Variants in TRAPPC10 observed in about 807,000 individuals in gnomAD.
The protein encoded by TRAPPC10 is TRAPP 130 kDa subunit.
Under a neutral mutation model 125.5 loss-of-function variants are expected in TRAPPC10, and 23 were observed. The observed-to-expected ratio is 0.18, with a 90% CI of 0.13 to 0.26. The LOEUF (loss-of-function observed/expected upper bound fraction) is 0.26. Among genes scored for constraint, TRAPPC10 ranks in the 10% least tolerant of loss-of-function variants. The probability of loss-of-function intolerance (pLI) is 1.00; values close to 1 mark genes in which losing one functional copy is unlikely to be tolerated. For synonymous variants in TRAPPC10, 509 were observed against 518.0 expected (o/e 0.98, Z 0.24); for missense variants, 1,123 against 1,308.4 (o/e 0.86, Z 2.19).
At chr21:44,050,658 G>A (rs952831145) in intron 3 of TRAPPC10, among the ~76,000 whole-genome samples, 1 of 152,194 alleles carries the variant, frequency 6.6e-6, no homozygotes, top group African/African-American at 2.4e-5. Flanking sequence ...AAGAACTGCC[G>A]TGCTGTGGAA....
intron 3 of TRAPPC10, among the ~76,000 whole-genome samples, chr21:44,047,672 C>T (rs2034952492): frequency 6.6e-6 from 1 of 152,042 alleles, no homozygotes; most frequent in African/African-American, 2.4e-5. Flanking sequence ...ATTGCTGCTG[C>T]TCTGTCTTCG....
At chr21:44,016,832 G>T (rs944759739) in intron 1 of TRAPPC10, among the ~76,000 whole-genome samples, 13 of 152,032 alleles carry the variant, frequency 8.6e-5, no homozygotes, top group African/African-American at 1.2e-4. Context: ...CTAATTTTTT[G>T]TATTTTTAGT....
chr21:44,045,953 AT>A (rs972296659), intron 3 of TRAPPC10, among the ~76,000 whole-genome samples: 22 of 146,998 alleles, frequency 1.5e-4, no homozygotes, highest in East Asian at 1.4e-3. Context: ...TTGGGGGTTT[AT>A]TTTTTTTTTC....
rs918799773 is a variant in TRAPPC10, at chr21:44,036,202, CAG to C, written c.150-1584_150-1583del. 4.8e-4 allele frequency among the ~76,000 whole-genome samples: 73 copies of C among 152,304 alleles called. 1 individual carries two copies. In the Middle Eastern group the frequency reaches 0.02, roughly 43 times the overall value. ...CAAACAGAAAATCATGCCAGGGAAT[CAG>C]AGAGAAACAGAAGAAGAACCAAGTA... On this transcript the variant is annotated intron_variant, in intron 2 of 22. Transcript: ENST00000291574.
Position 44,087,793 on chromosome 21 carries a change from T to C in TRAPPC10, c.2634T>C (p.Phe878=). ...CGCCTGCGTACCACGTGATCGAATT[T>C]GAACTGGAAGTTCTCTCTTTACCTT... The part of the protein sequence containing the change: ...PVAPAYHVIE[F]ELEVLSLPSA... Residue 878 remains phenylalanine, a synonymous_variant, in exon 17 of 23, where the codon TTT becomes TTC. Coordinates refer to ENST00000291574, the MANE Select transcript of TRAPPC10 (RefSeq NM_003274.5). This position sits in a 1 kb window ranked among gnomAD's most constrained non-coding sequence, Gnocchi z 4.6. 2 of 1,614,234 alleles carry C rather than the reference T, an allele frequency of 1.2e-6. No individual in the cohort carries two copies. Among genetic ancestry groups the C allele is most frequent in the Non-Finnish European group, 8.5e-7 (1 of 1,180,042 alleles).
intron 3 of TRAPPC10, among the ~76,000 whole-genome samples, chr21:44,049,259 T>G (rs1028910287): frequency 1.3e-5 from 2 of 152,222 alleles, no homozygotes; most frequent in Non-Finnish European, 2.9e-5. Context: ...CGAGCCCATT[T>G]CAGTCCAGCA....
rs2035538407 is a variant in TRAPPC10, at chr21:44,055,679, T to C, written c.483-19T>C. 6.4e-7 allele frequency: 1 copy of C among 1,566,410 alleles called. No homozygotes were observed. On this transcript the variant is annotated intron_variant, in intron 4 of 22. Transcript: ENST00000291574. ...TGCATGGAGGGTCTTTCCCAGATAGTCTGTTCATGTCTTTGCAGGTGTGTT... is the reference window on the plus strand; with the variant it reads ...TGCATGGAGGGTCTTTCCCAGATAGCCTGTTCATGTCTTTGCAGGTGTGTT...
In TRAPPC10 at chr21:44,086,800, A is replaced by G. The variant is rs777365686; in HGVS notation, c.2381-2A>G. 6.2e-7 allele frequency: 1 copy of G among 1,614,048 alleles called. No homozygotes were observed. Among genetic ancestry groups the G allele is most frequent in the Non-Finnish European group, 8.5e-7 (1 of 1,179,960 alleles). ...GCTGAGCCACGATCTCTTTTCCTTT[A>G]GATAGCCTTCTGGCAGGCATTCCTC... On this transcript the variant is annotated splice_acceptor_variant, in intron 15 of 22. Transcript: ENST00000291574. LOFTEE classifies it high-confidence loss of function.
chr21:44,094,112 C>T lies in TRAPPC10; in HGVS notation c.3047C>T (p.Thr1016Ile). ...SVFFVWELKW[T>I]EEPPPSLHCR... ...TTCTTCGTCTGGGAACTCAAGTGGA[C>T]AGAAGAGCCTCCCCCTTCTCTGCAT... The change falls in exon 20 of 23, where the codon ACA (threonine) becomes ATA (isoleucine). Residue 1016 changes from threonine (T) to isoleucine (I), a missense_variant. Thr to Ile is a moderately conservative substitution (Grantham distance 89). Transcript: ENST00000291574. 1 of 1,614,112 alleles carries T rather than the reference C, an allele frequency of 6.2e-7. No homozygotes were observed. Among genetic ancestry groups the T allele is most frequent in the Middle Eastern group, 1.7e-4 (1 of 6,046 alleles).
chr21:44,051,856 A>G (rs907658266), intron 3 of TRAPPC10, among the ~76,000 whole-genome samples: 1 of 152,220 alleles, frequency 6.6e-6, no homozygotes, highest in Admixed American at 6.5e-5. Flanking sequence ...CATGACAGCC[A>G]GCTTGCCTCC....
intron 12 of TRAPPC10, 153 bp from the exon 13 acceptor site, chr21:44,079,862 T>C: frequency 9.1e-7 from 1 of 1,095,840 alleles, no homozygotes; most frequent in Non-Finnish European, 1.3e-6. Context: ...GTCTAGTCGA[T>C]TTTTTATAAT....
At chr21:44,024,519 G>A (rs990091775) in intron 1 of TRAPPC10, among the ~76,000 whole-genome samples, 1 of 152,122 alleles carries the variant, frequency 6.6e-6, no homozygotes, top group African/African-American at 2.4e-5. Context: ...TCAACAACAG[G>A]ACTAGTGAAC....
chr21:44,057,970 C>T (rs1222191013), intron 5 of TRAPPC10, among the ~76,000 whole-genome samples: 2 of 152,320 alleles, frequency 1.3e-5, no homozygotes, highest in Non-Finnish European at 2.9e-5. Context: ...GATCAGAAGG[C>T]AATCACCTGT....
Position 44,063,074 on chromosome 21 carries a change from C to T in TRAPPC10, c.791-464C>T, listed in dbSNP as rs1426663204. ...CCAGGAGCTTGACTCAGGGACGTGA[C>T]GTGGTTGAGTTAGGGAAATAAGGAA... On this transcript the variant is annotated intron_variant, in intron 6 of 22. Transcript: ENST00000291574. This position sits in a 1 kb window ranked among gnomAD's most constrained non-coding sequence, Gnocchi z 4.4. The T allele has an allele frequency of 4.6e-6, 6 of 1,304,116 alleles. No homozygotes were observed. Among genetic ancestry groups the T allele is most frequent in the African/African-American group, 1.5e-5 (1 of 65,786 alleles). 80.8% of individuals were successfully genotyped at this position (1,304,116 alleles called of 1,614,324 possible).
Position 44,075,021 on chromosome 21 carries a change from G to A in TRAPPC10, c.1186-18G>A, listed in dbSNP as rs2037173382. 1 of 1,523,024 alleles carries A rather than the reference G, an allele frequency of 6.6e-7. No individual in the cohort carries two copies. Among genetic ancestry groups the A allele is most frequent in the Non-Finnish European group, 9.1e-7 (1 of 1,104,088 alleles). The allele number at this position is 1,523,024 out of a possible 1,614,324, so 94.3% of individuals were successfully genotyped here. A position where few individuals can be genotyped will look rare whatever the true frequency, so the allele number is the denominator to read the frequency against. On this transcript the variant is annotated intron_variant, in intron 8 of 22. Transcript: ENST00000291574. ...CTCTTACGGCAAATTAATTGAAATT[G>A]TGGATTTATCTTAACAGTTAAAGTC... is the stretch of plus-strand genomic sequence containing the variant.
intron 1 of TRAPPC10, among the ~76,000 whole-genome samples, chr21:44,016,289 T>C (rs1215989742): frequency 2.6e-5 from 4 of 152,240 alleles, no homozygotes; most frequent in African/African-American, 9.6e-5. Context: ...GGGTTTCTGT[T>C]CCAAGGGTGT....
intron 1 of TRAPPC10, among the ~76,000 whole-genome samples, chr21:44,024,075 C>T (rs1027120893): frequency 2.0e-5 from 3 of 152,204 alleles, no homozygotes; most frequent in Non-Finnish European, 2.9e-5. Context: ...CGTGAGCCAC[C>T]GCACCAGCCT....
At chr21:44,013,134 C>G (rs1322452147) in intron 1 of TRAPPC10, among the ~76,000 whole-genome samples, 1 of 135,052 alleles carries the variant, frequency 7.4e-6, no homozygotes, top group African/African-American at 3.7e-5. Context: ...AGCCGAGGCT[C>G]GGGCGCTTAG....
At chr21:44,027,815 C>A (rs1229772442) in intron 1 of TRAPPC10, among the ~76,000 whole-genome samples, 1 of 152,024 alleles carries the variant, frequency 6.6e-6, no homozygotes, top group African/African-American at 2.4e-5. Flanking sequence ...TGGCTGGAGT[C>A]CCCACAAAAG....
Sources: gnomAD v4.1 joint callset for allele counts (sites outside exome capture counted in the v4.1 genomes callset) on GRCh38, gnomAD v4.1.1 for gene constraint, Gnocchi (gnomAD v3.1) non-coding constraint, MANE v1.5 for transcripts, NCBI Gene and HGNC (gene_info 2026-07-23, HGNC 2026-07-21) for gene names.